ADGRL3: variants seen among roughly 807,000 people sequenced by gnomAD.
The protein encoded by ADGRL3 is calcium-independent alpha-latrotoxin receptor 3.
In ADGRL3, 62 loss-of-function variants were observed where a neutral mutation model predicts 153.5. The ratio of observed to expected loss-of-function variants is 0.40; its 90% CI spans 0.33 to 0.50. The LOEUF is 0.50. Among genes scored for constraint, ADGRL3 ranks in the 20% least tolerant of loss-of-function variants. ADGRL3 has a pLI of 0.47. For missense variants in ADGRL3, 1,641 were observed against 1,859.4 expected (o/e 0.88, Z 2.16); for synonymous variants, 710 against 672.5 (o/e 1.06, Z -0.86).
chr4:61,531,009 A>G (rs1042180683), intron 4 of ADGRL3, among the ~76,000 whole-genome samples: 76 of 152,188 alleles, frequency 5.0e-4, no homozygotes, highest in Non-Finnish European at 6.8e-4. Flanking sequence ...TGTGGCTCAT[A>G]GTATTAACTC....
intron 2 of ADGRL3, among the ~76,000 whole-genome samples, chr4:61,385,016 TA>T (rs2096720039): frequency 6.6e-6 from 1 of 152,220 alleles, no homozygotes; most frequent in Admixed American, 6.5e-5. Context: ...GAATATAGTT[TA>T]AAAAACAGTG....
chr4:61,251,127 G>T (rs1326071377), intron 1 of ADGRL3, among the ~76,000 whole-genome samples: 1 of 152,180 alleles, frequency 6.6e-6, no homozygotes, highest in African/African-American at 2.4e-5. Context: ...ACAGGGCAGT[G>T]AAGGTGAGTG....
At chr4:61,869,363 C>G (rs538935526) in intron 9 of ADGRL3, among the ~76,000 whole-genome samples, 1 of 152,064 alleles carries the variant, frequency 6.6e-6, no homozygotes, top group East Asian at 1.9e-4. Flanking sequence ...CTTTGGGAGG[C>G]CGAGGCGGGT....
chr4:61,373,975 A>T (rs1022647924), intron 1 of ADGRL3, among the ~76,000 whole-genome samples: 1 of 152,196 alleles, frequency 6.6e-6, no homozygotes, highest in Non-Finnish European at 1.5e-5. Flanking sequence ...CAAAAGGCAG[A>T]GTAAAATACC....
intron 4 of ADGRL3, among the ~76,000 whole-genome samples, chr4:61,561,656 CAT>C (rs761277254): frequency 4.6e-5 from 7 of 152,032 alleles, no homozygotes; most frequent in Non-Finnish European, 8.8e-5. Flanking sequence ...ATTTTCTGCA[CAT>C]GTTTCTATTA....
intron 9 of ADGRL3, among the ~76,000 whole-genome samples, chr4:61,848,536 T>C (rs537501105): frequency 6.6e-6 from 1 of 152,154 alleles, no homozygotes; most frequent in East Asian, 1.9e-4. Flanking sequence ...CTCATCTTAA[T>C]TGAATTACAT....
intron 2 of ADGRL3, among the ~76,000 whole-genome samples, chr4:61,442,697 A>C (rs2097540635): frequency 6.6e-6 from 1 of 152,186 alleles, no homozygotes; most frequent in African/African-American, 2.4e-5. Context: ...AATAGAAAGC[A>C]GGAGGATTTG....
chr4:61,439,173 A>G (rs1236058664), intron 2 of ADGRL3, among the ~76,000 whole-genome samples: 1 of 152,218 alleles, frequency 6.6e-6, no homozygotes, highest in Non-Finnish European at 1.5e-5. Context: ...TATGGGTTGC[A>G]TCTCATAAAA....
intron 24 of ADGRL3, among the ~76,000 whole-genome samples, chr4:62,041,514 C>T (rs1054798939): frequency 6.6e-6 from 1 of 151,900 alleles, no homozygotes; most frequent in African/African-American, 2.4e-5. Flanking sequence ...CCTGTGAACT[C>T]AACATCCAAC....
chr4:61,735,596 G>T (rs933273758), intron 8 of ADGRL3, among the ~76,000 whole-genome samples: 1 of 152,074 alleles, frequency 6.6e-6, no homozygotes, highest in Non-Finnish European at 1.5e-5. Context: ...TTTATGTTTG[G>T]TTAGTGAAAA....
chr4:61,215,761 C>T (rs1180447758), intron 1 of ADGRL3, among the ~76,000 whole-genome samples: 3 of 151,822 alleles, frequency 2.0e-5, no homozygotes, highest in East Asian at 1.9e-4. Context: ...GCCGTGTTAG[C>T]CAGGATGGTG....
At position 61,784,708 on chromosome 4, in the gene ADGRL3, G is replaced by C. The variant is rs1400220049; in HGVS notation, c.1400-29101G>C. ...TTGGGTTCAGAACTCCTGGGTATCA[G>C]CTTTTAGGAAGAATGTCAAAATGTG... On this transcript the variant is annotated intron_variant, in intron 8 of 26. Transcript: ENST00000683033. Among the ~76,000 whole-genome samples, 3 of 152,086 alleles carry C rather than the reference G, an allele frequency of 2.0e-5. No homozygotes were observed. In the East Asian group the frequency reaches 5.8e-4, roughly 29 times the overall value.
chr4:61,256,837 A>G (rs1283717374), intron 1 of ADGRL3, among the ~76,000 whole-genome samples: 2 of 152,128 alleles, frequency 1.3e-5, no homozygotes, highest in East Asian at 3.9e-4. Context: ...TCCTACTTTT[A>G]TTAGTGGAAA....
At chr4:61,758,473 T>C (rs919965753) in intron 8 of ADGRL3, among the ~76,000 whole-genome samples, 2 of 152,206 alleles carry the variant, frequency 1.3e-5, no homozygotes, top group African/African-American at 4.8e-5. Context: ...TGGTTTAAAG[T>C]CTGTTTTATC....
At chr4:61,246,203 C>T (rs1757012607) in intron 1 of ADGRL3, among the ~76,000 whole-genome samples, 1 of 152,028 alleles carries the variant, frequency 6.6e-6, no homozygotes, top group South Asian at 2.1e-4. Context: ...GGGCCCTTAG[C>T]TCACAGCTGC....
At chr4:61,749,529 A>G in intron 8 of ADGRL3, among the ~76,000 whole-genome samples, 1 of 152,234 alleles carries the variant, frequency 6.6e-6, no homozygotes. Context: ...CTATGCAACC[A>G]TAAAAAATGA....
chr4:61,338,090 C>T (rs1013120745), intron 1 of ADGRL3, among the ~76,000 whole-genome samples: 1 of 151,754 alleles, frequency 6.6e-6, no homozygotes, highest in Non-Finnish European at 1.5e-5. Context: ...CATGGTGAAG[C>T]CCCATCTCTA....
chr4:61,951,905 G>A (rs796643291), intron 17 of ADGRL3, among the ~76,000 whole-genome samples: 2 of 152,260 alleles, frequency 1.3e-5, no homozygotes, highest in African/African-American at 4.8e-5. Context: ...TGGTTGTAGT[G>A]TGACAGTTAT....
chr4:61,610,170 G>A (rs1241449016), intron 5 of ADGRL3, among the ~76,000 whole-genome samples: 1 of 150,324 alleles, frequency 6.7e-6, no homozygotes, highest in Non-Finnish European at 1.5e-5. Flanking sequence ...TCTTATAAAA[G>A]AGCCTGATTT....
Sources: allele counts gnomAD v4.1 joint callset (sites outside exome capture counted in the v4.1 genomes callset), GRCh38; gene constraint gnomAD v4.1.1; transcripts MANE v1.5; gene names NCBI Gene and HGNC (gene_info 2026-07-23, HGNC 2026-07-21).